The following EMC2 variants were observed in gnomAD, a reference collection of about 807,000 sequenced individuals.
EMC2 encodes the protein TPR repeat protein 35.
A neutral mutation model predicts 51.6 loss-of-function variants in EMC2; 37 were observed. That is an observed-to-expected ratio of 0.72 (90% CI 0.55 to 0.94). The LOEUF is 0.94. Among genes scored for constraint, EMC2 ranks in the 40% least tolerant of loss-of-function variants. The probability of loss-of-function intolerance (pLI) is 0.00; values close to 1 mark genes in which losing one functional copy is unlikely to be tolerated. For missense variants in EMC2, 359 were observed against 350.9 expected, an observed-to-expected ratio of 1.02 and a Z score of -0.18; for synonymous variants, 131 against 112.4, an observed-to-expected ratio of 1.17 and a Z score of -1.04.
intron 5 of EMC2, among the ~76,000 whole-genome samples, chr8:108,463,657 A>G (rs1819388251): frequency 1.3e-5 from 2 of 151,946 alleles, no homozygotes; most frequent in South Asian, 4.2e-4. Flanking sequence ...TATGAATTAG[A>G]TGTAATTTCC....
In EMC2 at chr8:108,486,822, A is replaced by T. The variant is rs1329193970; in HGVS notation, c.*224A>T. The T allele has an allele frequency of 7.6e-6, 3 of 396,802 alleles. No individual in the cohort carries two copies. In the East Asian group the frequency reaches 1.2e-4, roughly 16 times the overall value. The allele number at this position is 396,802 out of a possible 1,614,324, so 24.6% of individuals were successfully genotyped here. ...GAGAGATTTAAGACTTATTGATTGT[A>T]CATCAGTCTCTTCATATCACATATA... On this transcript the variant is annotated 3_prime_UTR_variant, in exon 11 of 11. Transcript: ENST00000220853.
chr8:108,453,581 C>A (rs531292005), intron 4 of EMC2, among the ~76,000 whole-genome samples: 1 of 151,692 alleles, frequency 6.6e-6, no homozygotes, highest in African/African-American at 2.4e-5. Flanking sequence ...TTCTTTTGTC[C>A]TGTCCAATAA....
In EMC2 at chr8:108,487,114, C is replaced by A. The variant is rs1811156774; in HGVS notation, c.*516C>A. 6.6e-6 allele frequency among the ~76,000 whole-genome samples: 1 copy of A among 152,032 alleles called. No homozygotes were observed. The highest frequency in any genetic ancestry group is 2.4e-5 in the African/African-American group (1 of 41,434). On this transcript the variant is annotated 3_prime_UTR_variant, in exon 11 of 11. Transcript: ENST00000220853. The stretch of plus-strand genomic sequence containing the variant: ...CAGTGGGCTATTTGAATTGTTTTAT[C>A]TGCTGTAATATCCTTCTGATGAATC...
At chr8:108,469,940 T>C in intron 6 of EMC2, 29 bp downstream of exon 6, 1 of 1,575,040 alleles carries the variant, frequency 6.3e-7, no homozygotes. Context: ...GATTGTGTTT[T>C]GTTATTCTGA....
intron 1 of EMC2, among the ~76,000 whole-genome samples, chr8:108,447,028 T>G (rs892171241): frequency 4.6e-5 from 7 of 152,350 alleles, no homozygotes; most frequent in Middle Eastern, 3.4e-3. Flanking sequence ...AAAAAAGTTC[T>G]CTTTCCTATG....
chr8:108,477,753 T>C (rs984372018), intron 9 of EMC2, among the ~76,000 whole-genome samples: 5 of 152,054 alleles, frequency 3.3e-5, no homozygotes, highest in Admixed American at 3.3e-4. Context: ...CTGTATCAAA[T>C]AAATACTAAT....
At chr8:108,484,754 G>A (rs1474492821) in intron 10 of EMC2, among the ~76,000 whole-genome samples, 1 of 151,788 alleles carries the variant, frequency 6.6e-6, no homozygotes, top group Admixed American at 6.6e-5. Flanking sequence ...ATAAATGGTG[G>A]TAAATGAAAA....
At chr8:108,461,652 T>C (rs1819320522) in intron 5 of EMC2, among the ~76,000 whole-genome samples, 1 of 152,186 alleles carries the variant, frequency 6.6e-6, no homozygotes, top group Non-Finnish European at 1.5e-5. Context: ...CAAAATTTTT[T>C]ATTTGAAAGA....
Position 108,487,942 on chromosome 8 carries a change from A to G in EMC2, c.*1344A>G, listed in dbSNP as rs993027030. Among the ~76,000 whole-genome samples the G allele has an allele frequency of 2.0e-5, 3 of 152,166 alleles. No individual in the cohort carries two copies. Among genetic ancestry groups the G allele is most frequent in the African/African-American group, 7.2e-5 (3 of 41,444 alleles). The stretch of plus-strand genomic sequence containing the variant: ...TTCTCTACTAATCTTTATTACCACA[A>G]AGATCCCGTCTTTGTACACATGAAA... On this transcript the variant is annotated 3_prime_UTR_variant, in exon 11 of 11. Coordinates refer to ENST00000220853, the MANE Select transcript of EMC2 (RefSeq NM_014673.5).
intron 10 of EMC2, among the ~76,000 whole-genome samples, chr8:108,480,715 C>T (rs1811030787): frequency 6.6e-6 from 1 of 152,150 alleles, no homozygotes; most frequent in Non-Finnish European, 1.5e-5. Context: ...AACCATCTCT[C>T]CTTCTTGCCC....
At chr8:108,453,410 G>A (rs1053343575) in intron 4 of EMC2, among the ~76,000 whole-genome samples, 4 of 152,040 alleles carry the variant, frequency 2.6e-5, no homozygotes, top group Non-Finnish European at 5.9e-5. Context: ...TGATTTGTAG[G>A]AGGTCTTTAT....
chr8:108,480,409 C>T (rs948801908), intron 10 of EMC2, among the ~76,000 whole-genome samples: 7 of 152,042 alleles, frequency 4.6e-5, no homozygotes, highest in East Asian at 3.9e-4. Context: ...TATTCTATGG[C>T]CGTCTCCTTT....
Position 108,486,614 on chromosome 8 carries a change from T to C in EMC2, c.*16T>C. On this transcript the variant is annotated 3_prime_UTR_variant, in exon 11 of 11. Coordinates refer to ENST00000220853, the MANE Select transcript of EMC2 (RefSeq NM_014673.5). ...CCAGTCTTAAGGTTTCAAAAACTCT[T>C]TGACATTAGATTTCACAACTGCACA... 6.3e-7 allele frequency: 1 copy of C among 1,585,340 alleles called. No individual in the cohort carries two copies. Among genetic ancestry groups the C allele is most frequent in the Non-Finnish European group, 8.5e-7 (1 of 1,169,702 alleles).
At chr8:108,471,168 T>C (rs1304083971) in intron 7 of EMC2, among the ~76,000 whole-genome samples, 1 of 152,026 alleles carries the variant, frequency 6.6e-6, no homozygotes, top group African/African-American at 2.4e-5. Flanking sequence ...ACATTCAGTA[T>C]AGATGATATG....
chr8:108,463,555 C>T (rs1320214995), intron 5 of EMC2, among the ~76,000 whole-genome samples: 1 of 152,100 alleles, frequency 6.6e-6, no homozygotes, highest in Non-Finnish European at 1.5e-5. Flanking sequence ...TAATTATTGT[C>T]TTTTAGTTGA....
At chr8:108,445,587 C>A (rs924679014) in intron 1 of EMC2, among the ~76,000 whole-genome samples, 1 of 151,750 alleles carries the variant, frequency 6.6e-6, no homozygotes, top group Non-Finnish European at 1.5e-5. Flanking sequence ...TTCCTCATCC[C>A]CCACCAAAAT....
chr8:108,464,180 C>T (rs992551858), intron 5 of EMC2: 1 of 152,238 alleles, frequency 6.6e-6, no homozygotes, highest in African/African-American at 2.4e-5. Flanking sequence ...CCAGTTCCCC[C>T]ACTGTAACTG....
At chr8:108,479,669 C>T (rs1811012324) in intron 10 of EMC2, among the ~76,000 whole-genome samples, 1 of 151,992 alleles carries the variant, frequency 6.6e-6, no homozygotes, top group African/African-American at 2.4e-5. Flanking sequence ...TGTCTTTAGC[C>T]TTATTTGTCT....
At chr8:108,479,576 G>A (rs11992820) in intron 10 of EMC2, among the ~76,000 whole-genome samples, 36,089 of 151,902 alleles carry the variant, frequency 0.24, 4,520 homozygotes, top group South Asian at 0.3. Context: ...TTGTATCTTA[G>A]TTTTCTAAAG....
Sources: allele counts gnomAD v4.1 joint callset (sites outside exome capture counted in the v4.1 genomes callset), GRCh38; gene constraint gnomAD v4.1.1; transcripts MANE v1.5; gene names NCBI Gene and HGNC (gene_info 2026-07-23, HGNC 2026-07-21).